Variants in CRMP1 observed in about 807,000 individuals in gnomAD.
The protein encoded by CRMP1 is dihydropyrimidinase-related protein 1.
Under a neutral mutation model 68.3 loss-of-function variants are expected in CRMP1, and 19 were observed. The observed-to-expected ratio is 0.28, with a 90% CI of 0.19 to 0.41. The LOEUF (loss-of-function observed/expected upper bound fraction) is 0.41, where lower values mean the gene tolerates loss of function less well. CRMP1 is among the 10% of genes least tolerant of loss of function. CRMP1 has a pLI of 1.00. For synonymous variants in CRMP1, 439 were observed against 399.6 expected (o/e 1.10, Z -1.18); for missense variants, 791 against 967.4 (o/e 0.82, Z 2.42).
At chr4:5,846,825 G>A (rs868636273) in intron 6 of CRMP1, among the ~76,000 whole-genome samples, 16 of 131,150 alleles carry the variant, frequency 1.2e-4, no homozygotes, top group African/African-American at 4.9e-4. Flanking sequence ...ATGTTGGCCA[G>A]GCTGGTCTCA....
In CRMP1 at chr4:5,821,948, C is replaced by G. The variant is rs1718657656; in HGVS notation, c.1970-97G>C. ...GTACTCTGCCATGCACTCCACTGGA[C>G]CCACCTTCATTCAGGGCTCAGTCCA... On this transcript the variant is annotated intron_variant, in intron 13 of 13. Transcript: ENST00000324989. The surrounding 1 kb of genome is among the most constrained non-coding windows in gnomAD (Gnocchi z 4.4). 1 of 945,914 alleles carries G rather than the reference C, an allele frequency of 1.1e-6. No homozygotes were observed. Among genetic ancestry groups the G allele is most frequent in the Non-Finnish European group, 1.5e-6 (1 of 672,870 alleles). The allele number at this position is 945,914 out of a possible 1,614,324, so 58.6% of individuals were successfully genotyped here.
rs1344433049 is a variant in CRMP1, at chr4:5,855,852, A to G, written c.820+291T>C. Among the ~76,000 whole-genome samples, 1 of 152,120 alleles carries G rather than the reference A, an allele frequency of 6.6e-6. No individual in the cohort carries two copies. The highest frequency in any genetic ancestry group is 1.5e-5 in the Non-Finnish European group (1 of 68,012). ...TTCAGGGATGGCAGCCAGGCTAGTG[A>G]TCCGGGTGATGGAAAAGAAAAGTGA... is the stretch of plus-strand genomic sequence containing the variant. On this transcript the variant is annotated intron_variant, in intron 4 of 13. Transcript: ENST00000324989. This position sits in a 1 kb window ranked among gnomAD's most constrained non-coding sequence, Gnocchi z 4.9.
At chr4:5,849,864 C>G (rs527692905) in intron 5 of CRMP1, among the ~76,000 whole-genome samples, 1 of 152,326 alleles carries the variant, frequency 6.6e-6, no homozygotes, top group South Asian at 2.1e-4. Flanking sequence ...AATTATCTAA[C>G]TAAATCTGCT....
At chr4:5,824,935 C>G in intron 13 of CRMP1, 7 of 985,360 alleles carry the variant, frequency 7.1e-6, no homozygotes, top group Non-Finnish European at 8.4e-6. Flanking sequence ...AATTTTGTTC[C>G]CACACATTTG....
chr4:5,831,241 C>T (rs1382552133), intron 11 of CRMP1, among the ~76,000 whole-genome samples: 2 of 152,168 alleles, frequency 1.3e-5, no homozygotes, highest in African/African-American at 4.8e-5. Context: ...ACCACCACGC[C>T]AGGCCAAGTC....
At chr4:5,876,523 CA>C (rs1181621711) in intron 1 of CRMP1, among the ~76,000 whole-genome samples, 1 of 152,150 alleles carries the variant, frequency 6.6e-6, no homozygotes, top group African/African-American at 2.4e-5. Flanking sequence ...TTCCAAAGAG[CA>C]AGCAGGGAAA....
intron 6 of CRMP1, 24 bp downstream of exon 6, chr4:5,849,368 G>T (rs1712457134): frequency 1.7e-5 from 27 of 1,572,372 alleles, no homozygotes; most frequent in Non-Finnish European, 2.4e-5. Flanking sequence ...TGAGGTAGAA[G>T]GAGTGGAAAT....
intron 1 of CRMP1, among the ~76,000 whole-genome samples, chr4:5,869,961 G>A (rs1714327716): frequency 6.6e-6 from 1 of 152,202 alleles, no homozygotes; most frequent in Non-Finnish European, 1.5e-5. Flanking sequence ...CCCTGGACCA[G>A]GTCCCATGGT....
chr4:5,848,372 T>C (rs1712378973), intron 6 of CRMP1, among the ~76,000 whole-genome samples: 1 of 152,188 alleles, frequency 6.6e-6, no homozygotes, highest in Non-Finnish European at 1.5e-5. Flanking sequence ...TTGTATTTTT[T>C]AGTAGAGATG....
At chr4:5,885,850 A>G (rs1577851579) in intron 1 of CRMP1, among the ~76,000 whole-genome samples, 2 of 116,668 alleles carry the variant, frequency 1.7e-5, no homozygotes, top group Middle Eastern at 9.4e-3. Flanking sequence ...TGACAAGTTA[A>G]TGCAAACCCA....
Position 5,872,748 on chromosome 4 carries a change from A to G in CRMP1, c.382-5992T>C, listed in dbSNP as rs1160977284. Among the ~76,000 whole-genome samples, 1 of 152,208 alleles carries G rather than the reference A, an allele frequency of 6.6e-6. No homozygotes were observed. Among genetic ancestry groups the G allele is most frequent in the Non-Finnish European group, 1.5e-5 (1 of 68,044 alleles). On this transcript the variant is annotated intron_variant, in intron 1 of 13. Transcript: ENST00000324989. This position sits in a 1 kb window ranked among gnomAD's most constrained non-coding sequence, Gnocchi z 4.6. The stretch of plus-strand genomic sequence containing the variant: ...AAGCATCTCATGAAAAACTCAGCCA[A>G]AGTCTAACAGCTGAATTGATTAGCT...
At chr4:5,837,526 G>A (rs1189450702) in intron 9 of CRMP1, among the ~76,000 whole-genome samples, 1 of 151,320 alleles carries the variant, frequency 6.6e-6, no homozygotes, top group East Asian at 1.9e-4. Flanking sequence ...TACTCAGGAG[G>A]CTAAGGCAGG....
At position 5,842,390 on chromosome 4, in the gene CRMP1, C is replaced by G. The variant is rs1711808377; in HGVS notation, c.1032+703G>C. 6.8e-6 allele frequency among the ~76,000 whole-genome samples: 1 copy of G among 147,346 alleles called. No individual in the cohort carries two copies. The highest frequency in any genetic ancestry group is 6.8e-5 in the Admixed American group (1 of 14,608). On this transcript the variant is annotated intron_variant, in intron 7 of 13. Transcript: ENST00000324989. This position sits in a 1 kb window ranked among gnomAD's most constrained non-coding sequence, Gnocchi z 4.5. ...GCTGCAGTGAACCGAGATCATACCACTGCACTGTAGCCTGGGCAACAGAGA... is the reference window on the plus strand; with the variant it reads ...GCTGCAGTGAACCGAGATCATACCAGTGCACTGTAGCCTGGGCAACAGAGA...
At chr4:5,845,255 C>T (rs1012706181) in intron 6 of CRMP1, among the ~76,000 whole-genome samples, 1 of 152,186 alleles carries the variant, frequency 6.6e-6, no homozygotes, top group African/African-American at 2.4e-5. Flanking sequence ...GACCCAGCAC[C>T]TTGCTTCTGA....
chr4:5,840,557 C>G (rs1398886579), intron 8 of CRMP1, among the ~76,000 whole-genome samples: 1 of 152,176 alleles, frequency 6.6e-6, no homozygotes, highest in Non-Finnish European at 1.5e-5. Context: ...CACAGCTGCC[C>G]AACCAGCAAC....
intron 9 of CRMP1, among the ~76,000 whole-genome samples, chr4:5,839,231 C>T (rs1327343504): frequency 2.0e-5 from 3 of 152,224 alleles, no homozygotes; most frequent in African/African-American, 4.8e-5. Flanking sequence ...CATCCCTGAT[C>T]CTGAGTGCTT....
Position 5,888,506 on chromosome 4 carries a change from G to T in CRMP1, c.381+4083C>A. On this transcript the variant is annotated intron_variant, in intron 1 of 13. Transcript: ENST00000324989. The surrounding 1 kb of genome is among the most constrained non-coding windows in gnomAD (Gnocchi z 6.4). ...GCGAGGAGGGCGGGAGAAGGAGGAG[G>T]GAGAGGCGAGGGCGGGAGGAGGGGG... 8.4e-7 allele frequency: 1 copy of T among 1,196,328 alleles called. No individual in the cohort carries two copies. Among genetic ancestry groups the T allele is most frequent in the Non-Finnish European group, 1.0e-6 (1 of 965,366 alleles). 74.1% of individuals were successfully genotyped at this position (1,196,328 alleles called of 1,614,324 possible). A position where few individuals can be genotyped will look rare whatever the true frequency, so the allele number is the denominator to read the frequency against.
At chr4:5,885,554 C>T (rs375692977) in intron 1 of CRMP1, among the ~76,000 whole-genome samples, 1 of 152,164 alleles carries the variant, frequency 6.6e-6, no homozygotes, top group Non-Finnish European at 1.5e-5. Context: ...CTCCCGAGGC[C>T]GTCTTTCCTT....
chr4:5,837,790 T>C (rs2152458688), intron 9 of CRMP1, among the ~76,000 whole-genome samples: 1 of 152,250 alleles, frequency 6.6e-6, no homozygotes, highest in East Asian at 1.9e-4. Flanking sequence ...ATGTTAGCAA[T>C]TGCCTAGATG....
Sources: gnomAD v4.1 joint callset for allele counts (sites outside exome capture counted in the v4.1 genomes callset) on GRCh38, gnomAD v4.1.1 for gene constraint, Gnocchi (gnomAD v3.1) non-coding constraint, MANE v1.5 for transcripts, NCBI Gene and HGNC (gene_info 2026-07-23, HGNC 2026-07-21) for gene names.